Variants in SLC44A5 observed in about 807,000 individuals in gnomAD.
The protein encoded by SLC44A5 is solute carrier family 44 member 5.
A neutral mutation model predicts 101.8 loss-of-function variants in SLC44A5; 57 were observed. The observed-to-expected ratio is 0.56, with a 90% confidence interval of 0.45 to 0.70. The LOEUF is 0.70. SLC44A5 is among the 30% of genes least tolerant of loss of function. The probability of loss-of-function intolerance (pLI) is 0.00; values close to 1 mark genes in which losing one functional copy is unlikely to be tolerated. For missense variants in SLC44A5, 737 were observed against 853.1 expected (o/e 0.86, Z 1.70); for synonymous variants, 281 against 290.9 (o/e 0.97, Z 0.35).
At chr1:75,481,711 T>C (rs143963918) in intron 2 of SLC44A5, among the ~76,000 whole-genome samples, 376 of 152,196 alleles carry the variant, frequency 2.5e-3, no homozygotes, top group Non-Finnish European at 4.2e-3. Flanking sequence ...TGAGATACCA[T>C]CTCACATCAG....
chr1:75,587,537 C>T lies in SLC44A5; in HGVS notation c.-70+23503G>A, dbSNP rs191683541. Among the ~76,000 whole-genome samples the T allele has an allele frequency of 1.1e-4, 17 of 152,330 alleles. No individual in the cohort carries two copies. The East Asian group carries it at 3.3e-3, about 29-fold the overall frequency. ...CTGCTTTCTCATGTTACCTCCATTT[C>T]TGAGCCTAGACAAGATCACCTGTGT... is the stretch of plus-strand genomic sequence containing the variant. On this transcript the variant is annotated intron_variant, in intron 1 of 23. Coordinates refer to ENST00000370859, the MANE Select transcript of SLC44A5 (RefSeq NM_001130058.2).
chr1:75,330,772 C>A (rs1279474985), intron 4 of SLC44A5, among the ~76,000 whole-genome samples: 2 of 152,110 alleles, frequency 1.3e-5, no homozygotes, highest in Non-Finnish European at 2.9e-5. Context: ...CTAATGAACT[C>A]TTCTTAGTCA....
chr1:75,520,363 T>A (rs528457992), intron 2 of SLC44A5, among the ~76,000 whole-genome samples: 1 of 152,256 alleles, frequency 6.6e-6, no homozygotes, highest in African/African-American at 2.4e-5. Flanking sequence ...GGCAGGCCAA[T>A]CCCAAACTCA....
chr1:75,659,497 G>GAAGGAAGA, the SLC44A5 span, among the ~76,000 whole-genome samples: 6 of 44,682 alleles, frequency 1.3e-4, no homozygotes, highest in Admixed American at 2.5e-4. Flanking sequence ...AGGAAGGCAG[G>GAAGGAAGA]CAGGCAGGCA....
chr1:75,493,782 AC>A (rs1475815419), intron 2 of SLC44A5, among the ~76,000 whole-genome samples: 2 of 152,218 alleles, frequency 1.3e-5, no homozygotes, highest in African/African-American at 4.8e-5. Flanking sequence ...CCCTCCACCC[AC>A]AGACACACCA....
chr1:75,641,921 T>C, the SLC44A5 span: 1 of 1,605,770 alleles, frequency 6.2e-7, no homozygotes, highest in Non-Finnish European at 8.5e-7. Context: ...TGGTTTGGAT[T>C]TGGATTTCTT....
intron 2 of SLC44A5, among the ~76,000 whole-genome samples, chr1:75,492,496 A>G (rs530314555): frequency 3.2e-4 from 49 of 152,328 alleles, no homozygotes; most frequent in African/African-American, 1.2e-3. Flanking sequence ...ATAAAGATTA[A>G]AAAATGAAAA....
At chr1:75,374,440 G>A (rs900743060) in intron 3 of SLC44A5, among the ~76,000 whole-genome samples, 1 of 152,172 alleles carries the variant, frequency 6.6e-6, no homozygotes, top group Non-Finnish European at 1.5e-5. Context: ...AGAAGGTGTG[G>A]AGAAGGTAGC....
At chr1:75,233,953 A>G in intron 12 of SLC44A5, 33 bp downstream of exon 12, 1 of 1,429,498 alleles carries the variant, frequency 7.0e-7, no homozygotes, top group African/African-American at 1.4e-5. Flanking sequence ...GATTATTCTG[A>G]TATTTGATAA....
At chr1:75,318,369 T>TAGAAAGAAAGAAAGAA (rs1557657065) in intron 4 of SLC44A5, among the ~76,000 whole-genome samples, 1 of 118,234 alleles carries the variant, frequency 8.5e-6, no homozygotes, top group African/African-American at 3.3e-5. Context: ...ATCCCATCTC[T>TAGAAAGAAAGAAAGAA]TGAAAGAAAG....
At chr1:75,687,698 G>A in the SLC44A5 span, among the ~76,000 whole-genome samples, 1 of 152,122 alleles carries the variant, frequency 6.6e-6, no homozygotes, top group African/African-American at 2.4e-5. Flanking sequence ...TTTCTCCCCA[G>A]GACACTCTCA....
chr1:75,573,786 C>G (rs576919787), intron 1 of SLC44A5, among the ~76,000 whole-genome samples: 1 of 148,898 alleles, frequency 6.7e-6, no homozygotes, highest in South Asian at 2.2e-4. Flanking sequence ...TGGTATACAA[C>G]TCAAATAAGA....
the SLC44A5 span, among the ~76,000 whole-genome samples, chr1:75,617,864 C>A: frequency 2.6e-5 from 4 of 152,112 alleles, no homozygotes; most frequent in Non-Finnish European, 5.9e-5. Context: ...ATTTTATCAC[C>A]AACTACTAAT....
the SLC44A5 span, among the ~76,000 whole-genome samples, chr1:75,683,754 A>T: frequency 3.5e-5 from 3 of 85,310 alleles, no homozygotes; most frequent in Non-Finnish European, 7.5e-5. Context: ...CTTAAAGTAT[A>T]ATAACAAATA....
chr1:75,402,999 G>A (rs976598072), intron 2 of SLC44A5, among the ~76,000 whole-genome samples: 1 of 152,160 alleles, frequency 6.6e-6, no homozygotes, highest in African/African-American at 2.4e-5. Flanking sequence ...GGACACTTGA[G>A]GTTGATGGGG....
the SLC44A5 span, among the ~76,000 whole-genome samples, chr1:75,710,717 C>T: frequency 6.6e-6 from 1 of 151,984 alleles, no homozygotes; most frequent in Non-Finnish European, 1.5e-5. Flanking sequence ...GAAATGGTTC[C>T]TTGGTTCTTA....
chr1:75,634,315 C>T, the SLC44A5 span, among the ~76,000 whole-genome samples: 288 of 152,184 alleles, frequency 1.9e-3, 2 homozygotes, highest in Non-Finnish European at 1.7e-3. Context: ...CCTCCTTGTA[C>T]CTCTGGTAGA....
chr1:75,482,214 G>T (rs1300913010), intron 2 of SLC44A5, among the ~76,000 whole-genome samples: 1 of 148,114 alleles, frequency 6.8e-6, no homozygotes, highest in Non-Finnish European at 1.5e-5. Flanking sequence ...GGTGGGAACT[G>T]AACAATGAGA....
intron 1 of SLC44A5, among the ~76,000 whole-genome samples, chr1:75,605,810 G>T (rs948869075): frequency 6.6e-6 from 1 of 152,048 alleles, no homozygotes; most frequent in African/African-American, 2.4e-5. Flanking sequence ...AATGGGATAG[G>T]GAAAGCTCCT....
Sources: gnomAD v4.1 joint callset for allele counts (sites outside exome capture counted in the v4.1 genomes callset) on GRCh38, gnomAD v4.1.1 for gene constraint, MANE v1.5 for transcripts, NCBI Gene and HGNC (gene_info 2026-07-23, HGNC 2026-07-21) for gene names.